Variants in AVIL observed in about 807,000 individuals in gnomAD.
The protein encoded by AVIL is advillin.
In AVIL, 78 loss-of-function variants were observed where a neutral mutation model predicts 109.9. The observed-to-expected ratio is 0.71, with a 90% CI of 0.59 to 0.86. The LOEUF is 0.86. Ranked by LOEUF, AVIL falls within the 40% of genes least tolerant of loss-of-function variation. The pLI is 0.00. For missense variants in AVIL, 892 were observed against 1,016.5 expected (o/e 0.88, Z 1.67); for synonymous variants, 367 against 379.1 (o/e 0.97, Z 0.37).
chr12:57,814,307 C>A, intron 2 of AVIL, 81 bp from the exon 3 acceptor site: 1 of 1,384,780 alleles, frequency 7.2e-7, no homozygotes. Flanking sequence ...CTCTGTCATT[C>A]GGTGCAGGTG....
chr12:57,806,295 A>G, intron 14 of AVIL, 65 bp downstream of exon 14: 1 of 1,566,450 alleles, frequency 6.4e-7, no homozygotes, highest in Non-Finnish European at 8.8e-7. Context: ...CCTTGCTGAC[A>G]GGAGGAGGGG....
chr12:57,809,904 G>C lies in AVIL; in HGVS notation c.762-14C>G. 6.2e-7 allele frequency: 1 copy of C among 1,613,650 alleles called. No individual in the cohort carries two copies. The highest frequency in any genetic ancestry group is 8.5e-7 in the Non-Finnish European group (1 of 1,179,638). ...GAATCTGAGATACTGGAGAAGGGGA[G>C]AGGTTAGCCTGTGCCTTTTCCTCTA... On this transcript the variant is annotated splice_polypyrimidine_tract_variant and intron_variant, in intron 7 of 19. Transcript: ENST00000549994.
At position 57,802,231 on chromosome 12, in the gene AVIL, T is replaced by C. The variant is rs765991155; in HGVS notation, c.2080A>G (p.Ile694Val). 5.6e-6 allele frequency: 9 copies of C among 1,614,142 alleles called. No individual in the cohort carries two copies. The highest frequency in any genetic ancestry group is 7.6e-6 in the Non-Finnish European group (9 of 1,179,984). ...GGAGGCTCAAACCCCTGCTTAATGATCAGGATTGGTGTGTCGGGATCTCGG... is the reference window on the plus strand; with the variant it reads ...GGAGGCTCAAACCCCTGCTTAATGACCAGGATTGGTGTGTCGGGATCTCGG... ...SGRDPDTPIL[I>V]IKQGFEPPIF... is the part of the protein sequence containing the mutation. Residue 694 changes from isoleucine (I) to valine (V), a missense_variant, in exon 17 of 20, where the codon ATC becomes GTC. Transcript: ENST00000549994.
intron 16 of AVIL, 32 bp downstream of exon 16, chr12:57,803,215 C>G: frequency 6.2e-7 from 1 of 1,613,316 alleles, no homozygotes; most frequent in Non-Finnish European, 8.5e-7. Flanking sequence ...GGGAGTCTTT[C>G]TCATGTTCTG....
chr12:57,803,367 G>A lies in AVIL; in HGVS notation c.1842C>T (p.Val614=), dbSNP rs535807622. 2.2e-5 allele frequency: 36 copies of A among 1,614,200 alleles called. No homozygotes were observed. In the East Asian group the frequency reaches 2.7e-4, roughly 12 times the overall value. Residue 614 remains valine, a synonymous_variant, in exon 16 of 20, where the codon GTC becomes GTT. Transcript: ENST00000549994. ...TGGAACATTCAAAGAGACGAGACTGGACATCTAGGATTTCCTGCTGAAGTC... is the reference window on the plus strand; with the variant it reads ...TGGAACATTCAAAGAGACGAGACTGAACATCTAGGATTTCCTGCTGAAGTC... ...DKRLQQEILD[V]QSRLFECSNK...
rs1340337701 is a variant in AVIL, at chr12:57,799,931, TAAG to T, written c.2221-14_2221-12del. On this transcript the variant is annotated splice_polypyrimidine_tract_variant and intron_variant, in intron 18 of 19. Transcript: ENST00000549994. ...TGCATTCTTCATGTCCTAGGTAAGATAAGAATGTAGGCACAGGGAAAAGACTCC... is the reference window on the plus strand; with the variant it reads ...TGCATTCTTCATGTCCTAGGTAAGATAATGTAGGCACAGGGAAAAGACTCC... The T allele has an allele frequency of 1.2e-6, 2 of 1,614,060 alleles. No individual in the cohort carries two copies. Among genetic ancestry groups the T allele is most frequent in the African/African-American group, 1.3e-5 (1 of 75,050 alleles).
At chr12:57,809,324 A>C in intron 9 of AVIL, 1 of 493,816 alleles carries the variant, frequency 2.0e-6, no homozygotes, top group Non-Finnish European at 3.7e-6. Flanking sequence ...AATGATATTT[A>C]ATCCTCACAA....
At position 57,818,473 on chromosome 12, in the gene AVIL, CAAG is replaced by C. The variant is rs1240093451; in HGVS notation, c.-20+153_-20+155del. On this transcript the variant is annotated intron_variant, in intron 1 of 19. Coordinates refer to ENST00000549994, the MANE Select transcript of AVIL (RefSeq NM_006576.4). ...GCTGCCTCTAAGGGGTTCTTCTGAA[CAAG>C]AAGTTTGCAAAACTGGCCAGCCAGA... Among the ~76,000 whole-genome samples, 3 of 152,230 alleles carry C rather than the reference CAAG, an allele frequency of 2.0e-5. No homozygotes were observed. In the East Asian group the frequency reaches 5.8e-4, roughly 29 times the overall value.
chr12:57,816,131 G>T, intron 1 of AVIL, 72 bp from the exon 2 acceptor site: 1 of 1,308,074 alleles, frequency 7.6e-7, no homozygotes, highest in Non-Finnish European at 1.1e-6. Flanking sequence ...TTTTTCTGCC[G>T]AGCTGCTTCC....
Position 57,808,441 on chromosome 12 carries a change from C to T in AVIL, c.1047G>A (p.Lys349=), listed in dbSNP as rs1392893598. 1 of 1,614,184 alleles carries T rather than the reference C, an allele frequency of 6.2e-7. No individual in the cohort carries two copies. The highest frequency in any genetic ancestry group is 2.2e-5 in the East Asian group (1 of 44,884). Residue 349 remains lysine, a synonymous_variant, in exon 10 of 20, where the codon AAG becomes AAA. Coordinates refer to ENST00000549994, the MANE Select transcript of AVIL (RefSeq NM_006576.4). ...FKQLFQKWSV[K]DQTMGLGKTF... Reference sequence around the variant, plus strand: ...TTTTCCCCAGGCCCATGGTCTGGTCCTTTACTGACCACTTCTGGAACAGCT... The same window carrying T: ...TTTTCCCCAGGCCCATGGTCTGGTCTTTTACTGACCACTTCTGGAACAGCT...
chr12:57,808,589 A>G, intron 9 of AVIL, 41 bp from the exon 10 acceptor site: 1 of 1,607,384 alleles, frequency 6.2e-7, no homozygotes. Flanking sequence ...CAGTGGTGGA[A>G]TACACTGAGT....
chr12:57,802,235 G>T lies in AVIL; in HGVS notation c.2076C>A (p.Ile692=). Residue 692 remains isoleucine, a synonymous_variant, in exon 17 of 20, where the codon ATC becomes ATA. Transcript: ENST00000549994. The part of the protein sequence containing the change: ...HPSGRDPDTP[I]LIIKQGFEPP... ...GCTCAAACCCCTGCTTAATGATCAG[G>T]ATTGGTGTGTCGGGATCTCGGCCGC... 1 of 1,614,190 alleles carries T rather than the reference G, an allele frequency of 6.2e-7. No individual in the cohort carries two copies. The highest frequency in any genetic ancestry group is 8.5e-7 in the Non-Finnish European group (1 of 1,180,006).
chr12:57,811,145 C>T lies in AVIL; in HGVS notation c.339-18G>A, dbSNP rs1956033441. 2.5e-6 allele frequency: 4 copies of T among 1,612,354 alleles called. No homozygotes were observed. The highest frequency in any genetic ancestry group is 1.1e-5 in the South Asian group (1 of 91,006). ...GCTTGTAGCTAAGGGAACATCCATT[C>T]AGTTATTTGAGTGCCTGCTATGTGC... On this transcript the variant is annotated intron_variant, in intron 4 of 19. Coordinates refer to ENST00000549994, the MANE Select transcript of AVIL (RefSeq NM_006576.4).
At chr12:57,815,857 C>G (rs1956095384) in intron 2 of AVIL, 118 bp downstream of exon 2, 1 of 1,559,564 alleles carries the variant, frequency 6.4e-7, no homozygotes, top group Non-Finnish European at 8.7e-7. Flanking sequence ...TGCTGCCTCT[C>G]ATTCTCCTCA....
chr12:57,817,743 A>C (rs965575387), intron 1 of AVIL, among the ~76,000 whole-genome samples: 1 of 152,156 alleles, frequency 6.6e-6, no homozygotes, highest in African/African-American at 2.4e-5. Context: ...TTTAGGAATC[A>C]AGGAGCTCCC....
chr12:57,803,339 T>C lies in AVIL; in HGVS notation c.1870A>G (p.Lys624Glu). 6.2e-7 allele frequency: 1 copy of C among 1,614,168 alleles called. No individual in the cohort carries two copies. The highest frequency in any genetic ancestry group is 8.5e-7 in the Non-Finnish European group (1 of 1,180,026). Residue 624 changes from lysine (K) to glutamate (E), a missense_variant, in exon 16 of 20, where the codon AAG (lysine) becomes GAG (glutamate). Coordinates refer to ENST00000549994, the MANE Select transcript of AVIL (RefSeq NM_006576.4). Reference sequence around the variant, plus strand: ...TCAGTGACAACGAATTGGCCGGTCTTATTGGAACATTCAAAGAGACGAGAC... The same window carrying C: ...TCAGTGACAACGAATTGGCCGGTCTCATTGGAACATTCAAAGAGACGAGAC... Reference protein sequence around the residue: ...VQSRLFECSNKTGQFVVTEIT... With the variant: ...VQSRLFECSNETGQFVVTEIT...
chr12:57,809,851 T>A lies in AVIL; in HGVS notation c.801A>T (p.Val267=). ...DSAGQLAVTE[V]ATRPLVQDLL... is the part of the protein sequence containing the mutation. The stretch of plus-strand genomic sequence containing the variant: ...AGTCCTGGACCAGAGGCCTTGTTGC[T>A]ACCTCTGTGACTGCCAGCTGCCCAG... Residue 267 remains valine, a synonymous_variant, in exon 8 of 20, where the codon GTA becomes GTT. Transcript: ENST00000549994. 6.2e-7 allele frequency: 1 copy of A among 1,614,240 alleles called. No homozygotes were observed. The highest frequency in any genetic ancestry group is 2.2e-5 in the East Asian group (1 of 44,882).
chr12:57,816,510 T>A (rs1956102497), intron 1 of AVIL: 1 of 157,266 alleles, frequency 6.4e-6, no homozygotes, highest in East Asian at 1.9e-4. Flanking sequence ...CCTGTGCTTC[T>A]AGCCACTTTG....
chr12:57,811,725 G>A (rs576708544), intron 4 of AVIL, among the ~76,000 whole-genome samples: 2 of 152,368 alleles, frequency 1.3e-5, no homozygotes, highest in Admixed American at 1.3e-4. Flanking sequence ...CTCAGTCAGT[G>A]GAGACTGCTG....
Sources: allele counts gnomAD v4.1 joint callset (sites outside exome capture counted in the v4.1 genomes callset), GRCh38; gene constraint gnomAD v4.1.1; transcripts MANE v1.5; gene names NCBI Gene and HGNC (gene_info 2026-07-23, HGNC 2026-07-21).